Variants in SMARCD3 observed in about 807,000 individuals in gnomAD.
The protein encoded by SMARCD3 is SWI/SNF related BAF chromatin remodeling complex subunit D3.
SMARCD3 carries 14 observed loss-of-function variants against 58.0 expected under a neutral mutation model. That is an observed-to-expected ratio of 0.24 (90% confidence interval 0.16 to 0.38). SMARCD3 has a LOEUF of 0.38. Among genes scored for constraint, SMARCD3 ranks in the 10% least tolerant of loss-of-function variants. The pLI is 1.00. For synonymous variants in SMARCD3, 253 were observed against 253.8 expected, an observed-to-expected ratio of 1.00 and a Z score of 0.03; for missense variants, 408 against 636.9, an observed-to-expected ratio of 0.64 and a Z score of 3.87.
chr7:151,276,020 G>T (rs1196704297), intron 1 of SMARCD3, among the ~76,000 whole-genome samples: 2 of 151,958 alleles, frequency 1.3e-5, no homozygotes, highest in Non-Finnish European at 2.9e-5. Context: ...AAGGGGATGA[G>T]GAAGGAGGAG....
chr7:151,260,667 C>T (rs939016892), intron 2 of SMARCD3, among the ~76,000 whole-genome samples: 13 of 152,278 alleles, frequency 8.5e-5, no homozygotes, highest in Admixed American at 5.9e-4. Flanking sequence ...GGGAACATGT[C>T]GTTACCCCGA....
chr7:151,262,405 T>A (rs1463515454), intron 2 of SMARCD3, among the ~76,000 whole-genome samples: 1 of 152,210 alleles, frequency 6.6e-6, no homozygotes, highest in Non-Finnish European at 1.5e-5. Context: ...TTAAAAAGAC[T>A]TTGTAAGGCC....
upstream of SMARCD3, chr7:151,249,323 T>C (rs538330338): frequency 6.6e-6 from 1 of 152,274 alleles, no homozygotes; most frequent in South Asian, 2.1e-4. This position sits in a 1 kb window ranked among gnomAD's most constrained non-coding sequence, Gnocchi z 4.8. Flanking sequence ...CCGCGCCCTT[T>C]TGTGGCGTGG....
rs78729555 is a variant in SMARCD3, at chr7:151,239,510, G to A, written c.1297-13C>T. 8.7e-5 allele frequency: 140 copies of A among 1,611,606 alleles called. 1 individual carries two copies. Among genetic ancestry groups the A allele is most frequent in the Admixed American group, 6.8e-4 (41 of 59,966 alleles). On this transcript the variant is annotated splice_polypyrimidine_tract_variant and intron_variant, in intron 11 of 12. Transcript: ENST00000262188. The surrounding 1 kb of genome is among the most constrained non-coding windows in gnomAD (Gnocchi z 7.0). The stretch of plus-strand genomic sequence containing the variant: ...CATCTGTCATCACCTGGGAGGGAGC[G>A]TGGGGTGAGCCCTGAGCCCTGAATC...
chr7:151,266,716 T>C (rs910579283), intron 2 of SMARCD3, among the ~76,000 whole-genome samples: 11 of 152,252 alleles, frequency 7.2e-5, no homozygotes, highest in African/African-American at 2.6e-4. Context: ...AGGTTTTTTT[T>C]GTTTGTTTGT....
chr7:151,251,600 C>T (rs1021029849), upstream of SMARCD3, among the ~76,000 whole-genome samples: 4 of 152,088 alleles, frequency 2.6e-5, no homozygotes, highest in Admixed American at 2.6e-4. Flanking sequence ...CGGTGTGCCA[C>T]GCCGCCGATG....
chr7:151,274,001 T>C (rs1431795295), intron 2 of SMARCD3, among the ~76,000 whole-genome samples: 1 of 152,236 alleles, frequency 6.6e-6, no homozygotes, highest in Admixed American at 6.5e-5. Context: ...GCACTTTCAT[T>C]CTGCCCACAG....
In SMARCD3 at chr7:151,245,485, G is replaced by C; in HGVS notation, c.265C>G (p.Pro89Ala). 8.2e-7 allele frequency: 1 copy of C among 1,223,808 alleles called. No individual in the cohort carries two copies. Among genetic ancestry groups the C allele is most frequent in the Non-Finnish European group, 1.0e-6 (1 of 982,198 alleles). 75.8% of individuals were successfully genotyped at this position (1,223,808 alleles called of 1,614,324 possible). Residue 89 changes from proline (P) to alanine (A), a missense_variant, in exon 2 of 13, where the codon CCC becomes GCC. Pro to Ala is a conservative substitution (Grantham distance 27). This residue lies in a region of SMARCD3 where 128 missense variants were observed against 188.8 expected (regional missense o/e 0.68). Transcript: ENST00000262188. The surrounding 1 kb of genome is among the most constrained non-coding windows in gnomAD (Gnocchi z 6.2). ...CTGCGGCTCCGCGCGGGGGCGGTGG[G>C]CACCGGCTGGCCCTGGCTCTGTGCC... ...SQAQSQGQPV[P>A]TAPARSRSAK...
chr7:151,256,790 C>T (rs953919460), intron 2 of SMARCD3, among the ~76,000 whole-genome samples: 1 of 152,182 alleles, frequency 6.6e-6, no homozygotes, highest in African/African-American at 2.4e-5. Context: ...AAGAAGCTTC[C>T]GAAGAACTTC....
At chr7:151,259,342 A>G (rs1157267589) in intron 2 of SMARCD3, among the ~76,000 whole-genome samples, 3 of 135,776 alleles carry the variant, frequency 2.2e-5, no homozygotes, top group East Asian at 4.0e-4. Flanking sequence ...ACAGAGAGAG[A>G]CTCTGTCTCA....
Position 151,240,129 on chromosome 7 carries a change from T to C in SMARCD3, c.1156A>G (p.Ser386Gly), listed in dbSNP as rs779879920. The C allele has an allele frequency of 2.5e-6, 4 of 1,614,142 alleles. No homozygotes were observed. Among genetic ancestry groups the C allele is most frequent in the Non-Finnish European group, 3.4e-6 (4 of 1,180,038 alleles). The change falls in exon 10 of 13, where the codon AGT becomes GGT. Residue 386 changes from serine to glycine, a missense_variant. Coordinates refer to ENST00000262188, the MANE Select transcript of SMARCD3 (RefSeq NM_001003801.2). ...GGCCCCACCTTACTGTCCAGAGCAC[T>C]GATCTCCTGCTGGTTGGCCGTGGAT... The part of the protein sequence containing the change: ...LLSTANQQEI[S>G]ALDSKIHETI...
At chr7:151,259,613 T>G (rs1260973544) in intron 2 of SMARCD3, among the ~76,000 whole-genome samples, 1 of 125,942 alleles carries the variant, frequency 7.9e-6, no homozygotes, top group African/African-American at 3.6e-5. Context: ...TTTTTTTTTT[T>G]TTTTTTTTTT....
In SMARCD3 at chr7:151,239,871, C is replaced by G. The variant is rs1802869993; in HGVS notation, c.1174-125G>C. ...TGTGAAGGACAACCCCTCAGAGCCC[C>G]TGATTTCTCTGAAGTCCCAGGGGAG... On this transcript the variant is annotated intron_variant, in intron 10 of 12. Transcript: ENST00000262188. This position sits in a 1 kb window ranked among gnomAD's most constrained non-coding sequence, Gnocchi z 7.0. 1.9e-6 allele frequency: 2 copies of G among 1,077,264 alleles called. No homozygotes were observed. The highest frequency in any genetic ancestry group is 1.6e-5 in the African/African-American group (1 of 63,728). 66.7% of individuals were successfully genotyped at this position (1,077,264 alleles called of 1,614,324 possible).
At chr7:151,262,739 C>T (rs1311294815) in intron 2 of SMARCD3, among the ~76,000 whole-genome samples, 3 of 152,162 alleles carry the variant, frequency 2.0e-5, no homozygotes, top group Admixed American at 6.5e-5. Context: ...CTCAGAGTAG[C>T]GACACCTAAG....
upstream of SMARCD3, among the ~76,000 whole-genome samples, chr7:151,251,045 C>T (rs1003499180): frequency 3.9e-5 from 6 of 151,956 alleles, no homozygotes; most frequent in Admixed American, 3.3e-4. Context: ...TTGGAGAGAC[C>T]TTTTGGGAAA....
rs1270215034 is a variant in SMARCD3 at position 151,245,943 on chromosome 7, T to C, written c.79-272A>G. 3.0e-6 allele frequency: 1 copy of C among 338,304 alleles called. No homozygotes were observed. The highest frequency in any genetic ancestry group is 5.3e-6 in the Non-Finnish European group (1 of 187,976). The allele number at this position is 338,304 out of a possible 1,614,324, so 21.0% of individuals were successfully genotyped here. On this transcript the variant is annotated intron_variant, in intron 1 of 12. Transcript: ENST00000262188. This position sits in a 1 kb window ranked among gnomAD's most constrained non-coding sequence, Gnocchi z 6.2. ...TTGCGAGCCTCGGGGCTGCGGAAGG[T>C]ACCGCAAAAATGAATATTAATGGCG...
At chr7:151,263,578 T>G (rs1258183876) in intron 2 of SMARCD3, among the ~76,000 whole-genome samples, 5 of 152,200 alleles carry the variant, frequency 3.3e-5, no homozygotes, top group African/African-American at 1.2e-4. Flanking sequence ...CCATTTTCCA[T>G]GCTGTTCCAT....
Position 151,241,656 on chromosome 7 carries a change from G to A in SMARCD3, c.778-3C>T. ...GGATCCAGTTTGAACTGGGGAGGCT[G>A]GGAAAAGGGGACTGTGAAAGTTAGA... On this transcript the variant is annotated splice_region_variant and splice_polypyrimidine_tract_variant and intron_variant, in intron 7 of 12. Transcript: ENST00000262188. This position sits in a 1 kb window ranked among gnomAD's most constrained non-coding sequence, Gnocchi z 5.3. 2 of 1,608,488 alleles carry A rather than the reference G, an allele frequency of 1.2e-6. No homozygotes were observed. Among genetic ancestry groups the A allele is most frequent in the Non-Finnish European group, 8.5e-7 (1 of 1,177,094 alleles).
intron 2 of SMARCD3, among the ~76,000 whole-genome samples, chr7:151,270,491 G>A (rs916350606): frequency 1.3e-5 from 2 of 152,210 alleles, no homozygotes; most frequent in Non-Finnish European, 2.9e-5. Flanking sequence ...CCTTTAAGGA[G>A]CCCTGCAACT....
Sources: gnomAD v4.1 joint callset for allele counts (sites outside exome capture counted in the v4.1 genomes callset) on GRCh38, gnomAD v4.1.1 for gene constraint, gnomAD v4.1.1 regional missense constraint, Gnocchi (gnomAD v3.1) non-coding constraint, MANE v1.5 for transcripts, NCBI Gene and HGNC (gene_info 2026-07-23, HGNC 2026-07-21) for gene names.